Variants in EXOC3 observed in about 807,000 individuals in gnomAD.
EXOC3 encodes the protein SEC6-like 1.
EXOC3 carries 21 observed loss-of-function variants against 73.7 expected under a neutral mutation model. That is an observed-to-expected ratio of 0.29 (90% CI 0.20 to 0.41). The LOEUF (loss-of-function observed/expected upper bound fraction) is 0.41, where lower values mean the gene tolerates loss of function less well. EXOC3 is among the 10% of genes least tolerant of loss of function. EXOC3 has a pLI of 1.00. For synonymous variants in EXOC3, 410 were observed against 389.1 expected (o/e 1.05, Z -0.63); for missense variants, 842 against 985.1 (o/e 0.85, Z 1.95).
rs374593870 is a variant in EXOC3 at position 458,223 on chromosome 5, C to CTTA, written c.1290+199_1290+201dup. Among the ~76,000 whole-genome samples the CTTA allele has an allele frequency of 6.4e-4, 98 of 152,352 alleles. 1 individual carries two copies. Among genetic ancestry groups the CTTA allele is most frequent in the African/African-American group, 2.2e-3 (92 of 41,588 alleles). ...GGAGCTGCAGAAACCTGGGATGATACTTACCAAATAGTTTTGCCCAAGGTC... is the reference window on the plus strand; with the variant it reads ...GGAGCTGCAGAAACCTGGGATGATACTTATTACCAAATAGTTTTGCCCAAGGTC... On this transcript the variant is annotated intron_variant, in intron 6 of 12. Transcript: ENST00000512944.
intron 11 of EXOC3, 87 bp from the exon 12 acceptor site, chr5:465,631 G>C: frequency 6.5e-7 from 1 of 1,541,994 alleles, no homozygotes; most frequent in South Asian, 1.2e-5. Flanking sequence ...GAGGTTCCCA[G>C]TCAGGAAGGG....
rs1737383084 is a variant in EXOC3, at chr5:443,229, G to GGGCGGGGGC, written c.-113_-112insGGGCGGCGG. On this transcript the variant is annotated 5_prime_UTR_variant, in exon 1 of 13. Coordinates refer to ENST00000512944, the MANE Select transcript of EXOC3 (RefSeq NM_007277.5). ...GCAGCGAAGGCGGAGGGGGCGGCGG[G>GGGCGGGGGC]GGCGGCGGCGGCGGCGGCGGCGGCG... 14 of 138,916 alleles carry GGGCGGGGGC rather than the reference G, an allele frequency of 1.0e-4. No individual in the cohort carries two copies. Among genetic ancestry groups the GGGCGGGGGC allele is most frequent in the Admixed American group, 9.3e-4 (13 of 14,010 alleles). The allele number at this position is 138,916 out of a possible 1,614,324, so 8.6% of individuals were successfully genotyped here. A position where few individuals can be genotyped will look rare whatever the true frequency, so the allele number is the denominator to read the frequency against.
At chr5:449,468 C>G (rs543422441) in intron 3 of EXOC3, among the ~76,000 whole-genome samples, 1 of 152,344 alleles carries the variant, frequency 6.6e-6, no homozygotes, top group African/African-American at 2.4e-5. Flanking sequence ...TCTGCCCCAG[C>G]TCCTGGTCAC....
chr5:446,328 C>T lies in EXOC3; in HGVS notation c.123C>T (p.Ala41=). The T allele has an allele frequency of 6.2e-7, 1 of 1,610,360 alleles. No homozygotes were observed. Among genetic ancestry groups the T allele is most frequent in the Non-Finnish European group, 8.5e-7 (1 of 1,178,046 alleles). Residue 41 remains alanine (A), a synonymous_variant, in exon 2 of 13, where the codon GCC becomes GCT. Transcript: ENST00000512944. The part of the protein sequence containing the change: ...QYRRREARKK[A]SVEARLKAAI... ...GCAGGAGAGAAGCGCGGAAGAAGGC[C>T]TCCGTGGAGGCCAGATTGAAGGTGA...
chr5:452,526 C>T (rs950222300), intron 3 of EXOC3, among the ~76,000 whole-genome samples: 23 of 152,182 alleles, frequency 1.5e-4, no homozygotes, highest in Non-Finnish European at 2.5e-4. Context: ...TTTACAGGAA[C>T]AGTTTCTTAT....
intron 3 of EXOC3, among the ~76,000 whole-genome samples, chr5:451,732 A>T (rs1166141478): frequency 6.6e-6 from 1 of 152,238 alleles, no homozygotes; most frequent in Non-Finnish European, 1.5e-5. Flanking sequence ...CATTTCTTGC[A>T]GGGCAGATCT....
rs1738130336 is a variant in EXOC3, at chr5:465,793, T to C, written c.2014T>C (p.Ser672Pro). Residue 672 changes from serine to proline, a missense_variant, in exon 12 of 13, where the codon TCT becomes CCT. By Grantham distance (74) the Ser-to-Pro change is moderately conservative. Transcript: ENST00000512944. The stretch of plus-strand genomic sequence containing the variant: ...CGAAGTGATCAAGCTGACAGACCCT[T>C]CTCTGCTCTACCTGGAGGTCTCCAC... ...VAEVIKLTDP[S>P]LLYLEVSTLV... The C allele has an allele frequency of 6.2e-7, 1 of 1,613,594 alleles. No homozygotes were observed. The highest frequency in any genetic ancestry group is 8.5e-7 in the Non-Finnish European group (1 of 1,179,744).
At chr5:456,767 G>A in intron 4 of EXOC3, 122 bp from the exon 5 acceptor site, 2 of 768,474 alleles carry the variant, frequency 2.6e-6, no homozygotes, top group Non-Finnish European at 4.5e-6. Context: ...TGGGCCGGCT[G>A]TGACCAGGAA....
rs1560938225 is a variant in EXOC3 at position 456,964 on chromosome 5, CGTG to C, written c.1125_1127del (p.Val376del). 3.1e-6 allele frequency: 5 copies of C among 1,614,022 alleles called. No homozygotes were observed. Among genetic ancestry groups the C allele is most frequent in the Non-Finnish European group, 3.4e-6 (4 of 1,179,880 alleles). ...CCCTGGAGCCATTGCTTTCTCCACACGTGGTCTCTGAGCTGCTTGACACGTACA... is the reference window on the plus strand; with the variant it reads ...CCCTGGAGCCATTGCTTTCTCCACACGTCTCTGAGCTGCTTGACACGTACA... On this transcript the variant is annotated inframe_deletion, in exon 5 of 13. Coordinates refer to ENST00000512944, the MANE Select transcript of EXOC3 (RefSeq NM_007277.5).
At chr5:454,081 C>T (rs759452785) in intron 4 of EXOC3, 30 bp downstream of exon 4, 43 of 1,537,018 alleles carry the variant, frequency 2.8e-5, no homozygotes, top group Non-Finnish European at 3.8e-5. Context: ...TGTGTTGGCT[C>T]TTAGGTAGAA....
intron 2 of EXOC3, 98 bp from the exon 3 acceptor site, chr5:447,435 T>C: frequency 1.3e-6 from 1 of 781,794 alleles, no homozygotes; most frequent in East Asian, 2.8e-5. Context: ...ACTCAGTGGC[T>C]CTTTCCTGAA....
At position 453,415 on chromosome 5, in the gene EXOC3, C is replaced by A. The variant is rs543866067; in HGVS notation, c.410C>A (p.Ala137Glu). Residue 137 changes from alanine (A) to glutamate (E), a missense_variant, in exon 4 of 13, where the codon GCA (alanine) becomes GAA (glutamate). Transcript: ENST00000512944. The part of the protein sequence containing the change: ...RETQDLIEQG[A>E]LLQAHRKLMD... ...ACCCAGGACCTAATTGAACAAGGGG[C>A]ACTCCTGCAAGCCCACCGGAAGCTG... 9 of 1,600,750 alleles carry A rather than the reference C, an allele frequency of 5.6e-6. No individual in the cohort carries two copies. In the Admixed American group the frequency reaches 1.6e-4, roughly 28 times the overall value.
Position 453,756 on chromosome 5 carries a change from A to G in EXOC3, c.751A>G (p.Ile251Val), listed in dbSNP as rs1737722843. ...PKNWKEKMFT[I>V]LERTVTTRIE... ...GAATTGGAAGGAGAAAATGTTCACC[A>G]TCTTGGAGAGGACTGTGACCACCAG... Residue 251 changes from isoleucine (I) to valine (V), a missense_variant, in exon 4 of 13, where the codon ATC becomes GTC. By Grantham distance (29) the Ile-to-Val change is conservative. Coordinates refer to ENST00000512944, the MANE Select transcript of EXOC3 (RefSeq NM_007277.5). 3 of 1,613,990 alleles carry G rather than the reference A, an allele frequency of 1.9e-6. No homozygotes were observed. The highest frequency in any genetic ancestry group is 2.5e-6 in the Non-Finnish European group (3 of 1,179,906).
intron 4 of EXOC3, among the ~76,000 whole-genome samples, chr5:456,125 G>C (rs1187743837): frequency 1.3e-5 from 2 of 152,148 alleles, no homozygotes; most frequent in Non-Finnish European, 2.9e-5. Flanking sequence ...TACTCAATGG[G>C]GAGGGATTCC....
intron 12 of EXOC3, 38 bp downstream of exon 12, chr5:465,883 C>A: frequency 1.3e-6 from 2 of 1,581,302 alleles, no homozygotes; most frequent in South Asian, 1.2e-5. Flanking sequence ...CCTTAGAATC[C>A]TGGAGTGGAG....
At chr5:457,683 A>G (rs1015543205) in intron 5 of EXOC3, 5 of 517,052 alleles carry the variant, frequency 9.7e-6, no homozygotes, top group Non-Finnish European at 1.7e-5. Flanking sequence ...ATCTGTACCA[A>G]GGGTTCCAGT....
chr5:463,206 GTGTC>G (rs959694057), intron 9 of EXOC3, among the ~76,000 whole-genome samples: 10 of 152,230 alleles, frequency 6.6e-5, no homozygotes, highest in Admixed American at 4.6e-4. Context: ...TGATTCATCA[GTGTC>G]TGGTTGTGCA....
chr5:464,888 G>C, intron 10 of EXOC3: 2 of 583,714 alleles, frequency 3.4e-6, no homozygotes, highest in Non-Finnish European at 6.0e-6. Context: ...TGTCCTGCTG[G>C]GGGCCGGAGC....
Position 462,050 on chromosome 5 carries a change from C to G in EXOC3, c.1482C>G (p.Ile494Met). 6.2e-7 allele frequency: 1 copy of G among 1,610,170 alleles called. No individual in the cohort carries two copies. ...HCYVQYMIAI[I>M]NNCQTFKESI... is the part of the protein sequence containing the mutation. ...ACGTTCAGTACATGATCGCCATCAT[C>G]AACAACTGCCAGACCTTCAAGTGAG... The change falls in exon 8 of 13, where the codon ATC (isoleucine) becomes ATG (methionine). Residue 494 changes from isoleucine (I) to methionine (M), a missense_variant. Physicochemically the swap from Ile to Met is conservative, Grantham distance 10 (BLOSUM62 1). Transcript: ENST00000512944.
Sources: gnomAD v4.1 joint callset for allele counts (sites outside exome capture counted in the v4.1 genomes callset) on GRCh38, gnomAD v4.1.1 for gene constraint, MANE v1.5 for transcripts, NCBI Gene and HGNC (gene_info 2026-07-23, HGNC 2026-07-21) for gene names.